Variants in ARHGAP35 observed in about 807,000 individuals in gnomAD.
The protein encoded by ARHGAP35 is Rho GTPase activating protein 35.
Under a neutral mutation model 111.1 loss-of-function variants are expected in ARHGAP35, and 15 were observed. The observed-to-expected ratio is 0.13, with a 90% CI of 0.09 to 0.21. The LOEUF is 0.21. Ranked by LOEUF, ARHGAP35 falls within the 10% of genes least tolerant of loss-of-function variation. ARHGAP35 has a pLI of 1.00. For missense variants in ARHGAP35, 1,262 were observed against 1,873.0 expected, an observed-to-expected ratio of 0.67 and a Z score of 6.02; for synonymous variants, 643 against 710.3, an observed-to-expected ratio of 0.91 and a Z score of 1.51.
intron 3 of ARHGAP35, among the ~76,000 whole-genome samples, chr19:46,978,398 C>T (rs1161218537): frequency 6.6e-6 from 1 of 152,024 alleles, no homozygotes; most frequent in Non-Finnish European, 1.5e-5. Flanking sequence ...CTTGTAACCC[C>T]AAGGGGCTTT....
Position 47,004,349 on chromosome 19 carries a change from G to T in ARHGAP35, c.*3661G>T, listed in dbSNP as rs2056765058. 6.6e-6 allele frequency: 1 copy of T among 152,298 alleles called. No homozygotes were observed. Among genetic ancestry groups the T allele is most frequent in the South Asian group, 2.1e-4 (1 of 4,838 alleles). 9.4% of individuals were successfully genotyped at this position (152,298 alleles called of 1,614,324 possible). On this transcript the variant is annotated 3_prime_UTR_variant, in exon 7 of 7. Coordinates refer to ENST00000672722, the MANE Select transcript of ARHGAP35 (RefSeq NM_004491.5). ...CGTGGCCAATGCGCGGCGCGCGCGG[G>T]GGACAGAGCAGGAGGCGGTCTGTCA...
intron 1 of ARHGAP35, among the ~76,000 whole-genome samples, chr19:46,909,103 C>T (rs1421323346): frequency 2.0e-5 from 3 of 152,014 alleles, no homozygotes; most frequent in African/African-American, 7.2e-5. Context: ...AGTTCAAGAC[C>T]ACCCTGGGTA....
chr19:46,924,567 T>C (rs1395305959), intron 2 of ARHGAP35, among the ~76,000 whole-genome samples: 1 of 152,230 alleles, frequency 6.6e-6, no homozygotes, highest in Non-Finnish European at 1.5e-5. Context: ...TCCAGTGTTT[T>C]CTCCTCCAAA....
intron 3 of ARHGAP35, among the ~76,000 whole-genome samples, chr19:46,983,054 CAAAAAAAAA>C (rs71179281): frequency 0.018 from 854 of 47,674 alleles, 8 homozygotes; most frequent in Middle Eastern, 0.068. Flanking sequence ...ACCTTGTGTA[CAAAAAAAAA>C]AAAAAAAAAA....
chr19:46,870,632 GATAAAACCTTTGATA>G (rs2055882935), intron 1 of ARHGAP35, among the ~76,000 whole-genome samples: 3 of 152,154 alleles, frequency 2.0e-5, no homozygotes, highest in Admixed American at 2.0e-4. Context: ...GAGGAACGTA[GATAAAACCTTTGATA>G]AATGAGGAAG....
intron 3 of ARHGAP35, among the ~76,000 whole-genome samples, chr19:46,965,996 C>T (rs2056513044): frequency 6.6e-6 from 1 of 152,120 alleles, no homozygotes; most frequent in Non-Finnish European, 1.5e-5. Context: ...CTGGTCAAAA[C>T]CAAGTCAATA....
chr19:46,889,312 A>C (rs547316934), intron 1 of ARHGAP35, among the ~76,000 whole-genome samples: 1 of 151,672 alleles, frequency 6.6e-6, no homozygotes, highest in East Asian at 2.0e-4. Flanking sequence ...AAAAATACAA[A>C]AGTTGGTGTG....
intron 1 of ARHGAP35, among the ~76,000 whole-genome samples, chr19:46,917,798 C>G (rs2056172702): frequency 6.6e-6 from 1 of 152,068 alleles, no homozygotes; most frequent in Admixed American, 6.5e-5. Flanking sequence ...ACCACAACCA[C>G]TGCCTCCCAG....
At chr19:46,890,895 T>C (rs1190877963) in intron 1 of ARHGAP35, among the ~76,000 whole-genome samples, 2 of 152,248 alleles carry the variant, frequency 1.3e-5, no homozygotes, top group African/African-American at 2.4e-5. Flanking sequence ...GGGTGTGTAA[T>C]ACTGGACTGG....
At chr19:46,870,170 C>T (rs1369699267) in intron 1 of ARHGAP35, among the ~76,000 whole-genome samples, 1 of 151,460 alleles carries the variant, frequency 6.6e-6, no homozygotes, top group Non-Finnish European at 1.5e-5. Flanking sequence ...AGGCTGGTCT[C>T]GAACTCCTGA....
intron 2 of ARHGAP35, among the ~76,000 whole-genome samples, chr19:46,935,892 G>A (rs928420932): frequency 4.6e-5 from 7 of 152,148 alleles, no homozygotes; most frequent in Non-Finnish European, 1.0e-4. Context: ...TTGAGGCAGA[G>A]TATCTCAGTA....
rs1288007914 is a variant in ARHGAP35, at chr19:47,004,380, G to T, written c.*3692G>T. On this transcript the variant is annotated 3_prime_UTR_variant, in exon 7 of 7. Coordinates refer to ENST00000672722, the MANE Select transcript of ARHGAP35 (RefSeq NM_004491.5). ...GAGCAGGAGGCGGTCTGTCACCTCG[G>T]CCACTGCTGACCTGGGCTGGCCTCC... 6.6e-6 allele frequency: 1 copy of T among 152,274 alleles called. No individual in the cohort carries two copies. The highest frequency in any genetic ancestry group is 1.5e-5 in the Non-Finnish European group (1 of 68,044). The allele number at this position is 152,274 out of a possible 1,614,324, so 9.4% of individuals were successfully genotyped here.
chr19:46,925,528 G>A (rs1253498991), intron 2 of ARHGAP35, among the ~76,000 whole-genome samples: 3 of 152,184 alleles, frequency 2.0e-5, no homozygotes, highest in South Asian at 4.1e-4. Context: ...TACCTCCTGC[G>A]TGCCAGGCAC....
At chr19:46,937,810 C>T (rs1345228853) in intron 3 of ARHGAP35, among the ~76,000 whole-genome samples, 2 of 152,196 alleles carry the variant, frequency 1.3e-5, no homozygotes, top group Non-Finnish European at 2.9e-5. Context: ...ATACATAATA[C>T]ATTTTGGTTT....
chr19:46,986,326 C>T lies in ARHGAP35; in HGVS notation c.3827-1663C>T, dbSNP rs2056649814. ...CGGTAGGATGGGGAGGGAGTGGGAGCCCATCCTTCCCTTGATATTTTATTC... is the reference window on the plus strand; with the variant it reads ...CGGTAGGATGGGGAGGGAGTGGGAGTCCATCCTTCCCTTGATATTTTATTC... On this transcript the variant is annotated intron_variant, in intron 3 of 6. Coordinates refer to ENST00000672722, the MANE Select transcript of ARHGAP35 (RefSeq NM_004491.5). The surrounding 1 kb of genome is among the most constrained non-coding windows in gnomAD (Gnocchi z 4.3). Among the ~76,000 whole-genome samples, 1 of 152,162 alleles carries T rather than the reference C, an allele frequency of 6.6e-6. No homozygotes were observed. The highest frequency in any genetic ancestry group is 2.4e-5 in the African/African-American group (1 of 41,432).
chr19:46,864,194 T>A (rs528887561), intron 1 of ARHGAP35, among the ~76,000 whole-genome samples: 19 of 152,368 alleles, frequency 1.2e-4, no homozygotes, highest in African/African-American at 3.4e-4. Flanking sequence ...AGTCTTATTA[T>A]CTGAGAAATG....
At chr19:46,903,808 T>G (rs1223002153) in intron 1 of ARHGAP35, among the ~76,000 whole-genome samples, 1 of 152,216 alleles carries the variant, frequency 6.6e-6, no homozygotes, top group Non-Finnish European at 1.5e-5. Context: ...TTATAGAAAA[T>G]GCACTTATTC....
At chr19:46,893,775 T>C (rs2056038624) in intron 1 of ARHGAP35, among the ~76,000 whole-genome samples, 1 of 152,058 alleles carries the variant, frequency 6.6e-6, no homozygotes, top group South Asian at 2.1e-4. Flanking sequence ...TGTAGGTTTG[T>C]AATATCATCT....
chr19:46,874,017 G>A (rs996000886), intron 1 of ARHGAP35, among the ~76,000 whole-genome samples: 1 of 152,218 alleles, frequency 6.6e-6, no homozygotes, highest in Admixed American at 6.5e-5. Flanking sequence ...CAAATGCTGG[G>A]ATTACAGGCG....
Sources: gnomAD v4.1 joint callset for allele counts (sites outside exome capture counted in the v4.1 genomes callset) on GRCh38, gnomAD v4.1.1 for gene constraint, Gnocchi (gnomAD v3.1) non-coding constraint, MANE v1.5 for transcripts, NCBI Gene and HGNC (gene_info 2026-07-23, HGNC 2026-07-21) for gene names.